YAP1: variants seen among roughly 807,000 people sequenced by gnomAD.
YAP1 encodes Yes1 associated transcriptional regulator, also known as transcriptional coactivator YAP1.
Under a neutral mutation model 56.9 loss-of-function variants are expected in YAP1, and 5 were observed. The observed-to-expected ratio is 0.09, with a 90% confidence interval of 0.05 to 0.18. The LOEUF is 0.18. YAP1 is among the 10% of genes least tolerant of loss of function. The pLI is 1.00. For synonymous variants in YAP1, 265 were observed against 248.1 expected (o/e 1.07, Z -0.64); for missense variants, 539 against 651.8 (o/e 0.83, Z 1.88).
chr11:102,125,621 C>T (rs1177788356), intron 2 of YAP1, among the ~76,000 whole-genome samples: 5 of 151,880 alleles, frequency 3.3e-5, no homozygotes, highest in Non-Finnish European at 5.9e-5. Flanking sequence ...TCAAGTGATC[C>T]GCCTACCTCA....
At chr11:102,114,094 T>C in intron 1 of YAP1, 50 bp from the exon 2 acceptor site, 1 of 1,539,070 alleles carries the variant, frequency 6.5e-7, no homozygotes, top group Non-Finnish European at 8.8e-7. Context: ...TTAAAGGGAC[T>C]CAGTTGTGTT....
intron 2 of YAP1, among the ~76,000 whole-genome samples, chr11:102,140,744 G>A (rs2135286828): frequency 6.6e-6 from 1 of 152,236 alleles, no homozygotes; most frequent in East Asian, 1.9e-4. Context: ...TTGGGAGGGT[G>A]AGGCAGGAGA....
chr11:102,207,934 C>T (rs1306002091), intron 5 of YAP1, among the ~76,000 whole-genome samples: 1 of 152,134 alleles, frequency 6.6e-6, no homozygotes, highest in East Asian at 1.9e-4. Flanking sequence ...AGTTCTATGC[C>T]AAAGCACAGG....
At chr11:102,162,702 A>G in intron 3 of YAP1, 131 bp downstream of exon 3, 1 of 843,970 alleles carries the variant, frequency 1.2e-6, no homozygotes, top group Non-Finnish European at 1.9e-6. Context: ...CCAGTTTCAT[A>G]CAGAAGACAT....
chr11:102,172,503 A>G (rs1224112012), intron 3 of YAP1, among the ~76,000 whole-genome samples: 2 of 137,720 alleles, frequency 1.5e-5, no homozygotes, highest in African/African-American at 2.7e-5. Flanking sequence ...TTTGGTAGAG[A>G]CAAAAGGTGG....
chr11:102,185,926 TG>T, intron 3 of YAP1, 91 bp from the exon 4 acceptor site: 1 of 1,232,802 alleles, frequency 8.1e-7, no homozygotes, highest in Non-Finnish European at 1.1e-6. Flanking sequence ...TATGTTAAGA[TG>T]TGTTTTCTTT....
rs1469586754 is a variant in YAP1 at position 102,231,274 on chromosome 11, A to G, written c.*1334A>G. 6.6e-6 allele frequency: 1 copy of G among 152,214 alleles called. No individual in the cohort carries two copies. The highest frequency in any genetic ancestry group is 1.5e-5 in the Non-Finnish European group (1 of 68,034). The allele number at this position is 152,214 out of a possible 1,614,324, so 9.4% of individuals were successfully genotyped here. The stretch of plus-strand genomic sequence containing the variant: ...ATAAGCTTTATAGTGGTTTACCTTC[A>G]TTTAGCTTTGGAAGTTTTCTTTGCC... On this transcript the variant is annotated 3_prime_UTR_variant, in exon 9 of 9. Transcript: ENST00000282441.
At chr11:102,171,663 TTAG>T (rs1367114662) in intron 3 of YAP1, among the ~76,000 whole-genome samples, 1 of 152,172 alleles carries the variant, frequency 6.6e-6, no homozygotes, top group Non-Finnish European at 1.5e-5. Flanking sequence ...GAGTTGCATA[TTAG>T]TAGGCTCACT....
At chr11:102,169,588 C>T (rs755521530) in intron 3 of YAP1, among the ~76,000 whole-genome samples, 6 of 152,126 alleles carry the variant, frequency 3.9e-5, no homozygotes, top group Admixed American at 6.5e-5. Flanking sequence ...TAGTTACTCT[C>T]GGGCTTGTAT....
intron 4 of YAP1, among the ~76,000 whole-genome samples, chr11:102,196,920 A>G (rs1410438868): frequency 6.6e-6 from 1 of 152,104 alleles, no homozygotes; most frequent in Admixed American, 6.5e-5. Flanking sequence ...AAAATAAGCA[A>G]TTTTTACTGA....
intron 3 of YAP1, among the ~76,000 whole-genome samples, chr11:102,175,339 G>A (rs1233527877): frequency 2.0e-5 from 3 of 152,070 alleles, no homozygotes; most frequent in Non-Finnish European, 4.4e-5. Context: ...GGTGGAGGCT[G>A]CAGTGAGCCA....
intron 2 of YAP1, among the ~76,000 whole-genome samples, chr11:102,119,274 A>G (rs1032923426): frequency 6.6e-6 from 1 of 152,122 alleles, no homozygotes; most frequent in Non-Finnish European, 1.5e-5. Flanking sequence ...GTTGGAAGAT[A>G]GTAGATGTGA....
intron 1 of YAP1, chr11:102,112,348 T>G: frequency 1.1e-6 from 1 of 935,302 alleles, no homozygotes; most frequent in Non-Finnish European, 1.3e-6. Context: ...TTATAATGAG[T>G]GTTAACATTC....
At chr11:102,117,900 C>T (rs1943390007) in intron 2 of YAP1, among the ~76,000 whole-genome samples, 1 of 152,166 alleles carries the variant, frequency 6.6e-6, no homozygotes, top group South Asian at 2.1e-4. Flanking sequence ...CTTCAGCTGT[C>T]TTACGGTTTT....
rs1391541668 is a variant in YAP1 at position 102,110,901 on chromosome 11, A to G, written c.53A>G (p.Gln18Arg). Residue 18 changes from glutamine to arginine, a missense_variant, in exon 1 of 9, where the codon CAG (glutamine) becomes CGG (arginine). By Grantham distance (43) the Gln-to-Arg change is conservative (BLOSUM62 1). Around this residue, in one of 4 missense-constraint regions of YAP1, gnomAD observed 106 missense variants for 86.6 expected, o/e 1.22. Transcript: ENST00000282441. ...CAACCGGCCCCCCAGGGCCAAGGGC[A>G]GCCGCCTTCGCAGCCCCCGCAGGGG... ...PPQPAPQGQGQPPSQPPQGQG... is the reference protein window; with the variant it reads ...PPQPAPQGQGRPPSQPPQGQG... 7.0e-7 allele frequency: 1 copy of G among 1,435,734 alleles called. No individual in the cohort carries two copies. The highest frequency in any genetic ancestry group is 3.1e-5 in the East Asian group (1 of 31,766). 88.9% of individuals were successfully genotyped at this position (1,435,734 alleles called of 1,614,324 possible). A position where few individuals can be genotyped will look rare whatever the true frequency, so the allele number is the denominator to read the frequency against.
chr11:102,184,149 A>G (rs1365962918), intron 3 of YAP1, among the ~76,000 whole-genome samples: 1 of 151,912 alleles, frequency 6.6e-6, no homozygotes, highest in Non-Finnish European at 1.5e-5. Flanking sequence ...AAAGGCATTC[A>G]GTGATTGCTA....
chr11:102,152,559 T>A (rs899261190), intron 2 of YAP1, among the ~76,000 whole-genome samples: 5 of 152,236 alleles, frequency 3.3e-5, no homozygotes, highest in African/African-American at 1.2e-4. Flanking sequence ...GTGTATAAAA[T>A]GAAACAGTTG....
chr11:102,110,743 C>A lies in YAP1; in HGVS notation c.-106C>A. The A allele has an allele frequency of 9.3e-7, 1 of 1,073,382 alleles. No individual in the cohort carries two copies. Among genetic ancestry groups the A allele is most frequent in the Non-Finnish European group, 1.2e-6 (1 of 852,776 alleles). 66.5% of individuals were successfully genotyped at this position (1,073,382 alleles called of 1,614,324 possible). A position where few individuals can be genotyped will look rare whatever the true frequency, so the allele number is the denominator to read the frequency against. On this transcript the variant is annotated 5_prime_UTR_variant, in exon 1 of 9. Coordinates refer to ENST00000282441, the MANE Select transcript of YAP1 (RefSeq NM_001130145.3). ...TGAGAGCGAGGACAGCGCCGCCCGGCCCGCAGCCGTCGCCGCTTCTCCACC... is the reference window on the plus strand; with the variant it reads ...TGAGAGCGAGGACAGCGCCGCCCGGACCGCAGCCGTCGCCGCTTCTCCACC...
chr11:102,171,470 G>A (rs1015431755), intron 3 of YAP1, among the ~76,000 whole-genome samples: 1 of 152,168 alleles, frequency 6.6e-6, no homozygotes, highest in Admixed American at 6.5e-5. Context: ...ACTTTCTTTA[G>A]GTTAAAATCT....
Sources: gnomAD v4.1 joint callset for allele counts (sites outside exome capture counted in the v4.1 genomes callset) on GRCh38, gnomAD v4.1.1 for gene constraint, gnomAD v4.1.1 regional missense constraint, MANE v1.5 for transcripts, NCBI Gene and HGNC (gene_info 2026-07-23, HGNC 2026-07-21) for gene names.